ZFAND3: variants seen among roughly 807,000 people sequenced by gnomAD.
The protein encoded by ZFAND3 is zinc finger AN1-type containing 3.
In ZFAND3, 10 loss-of-function variants were observed where a neutral mutation model predicts 29.6. That is an observed-to-expected ratio of 0.34 (90% CI 0.21 to 0.57). The LOEUF (loss-of-function observed/expected upper bound fraction) is 0.57, where lower values mean the gene tolerates loss of function less well. ZFAND3 is among the 20% of genes least tolerant of loss of function. The pLI is 0.86. For missense variants in ZFAND3, 230 were observed against 304.5 expected (o/e 0.76, Z 1.82); for synonymous variants, 128 against 112.6 (o/e 1.14, Z -0.87).
Position 38,129,084 on chromosome 6 carries a change from A to G in ZFAND3, c.529+12345A>G, listed in dbSNP as rs545098700. Among the ~76,000 whole-genome samples the G allele has an allele frequency of 3.1e-3, 470 of 152,252 alleles. 3 individuals are homozygous for G. The highest frequency in any genetic ancestry group is 0.011 in the African/African-American group (447 of 41,546). On this transcript the variant is annotated intron_variant, in intron 5 of 5. Transcript: ENST00000287218. Reference sequence around the variant, plus strand: ...ATTTGCCCTTCCCTAATCATTAATGATGTTGAGCATTTTTTCATATGTTTG... The same window carrying G: ...ATTTGCCCTTCCCTAATCATTAATGGTGTTGAGCATTTTTTCATATGTTTG...
At chr6:37,873,695 G>A (rs566650927) in intron 1 of ZFAND3, among the ~76,000 whole-genome samples, 1 of 152,288 alleles carries the variant, frequency 6.6e-6, no homozygotes, top group South Asian at 2.1e-4. Context: ...ACAATATAAG[G>A]TGTGATGTTT....
At chr6:38,025,000 T>C (rs1328596120) in intron 2 of ZFAND3, among the ~76,000 whole-genome samples, 4 of 152,256 alleles carry the variant, frequency 2.6e-5, no homozygotes, top group Non-Finnish European at 4.4e-5. Context: ...GTATTGTTCA[T>C]TATTTCTCCT....
At chr6:38,131,734 T>C (rs984941087) in intron 5 of ZFAND3, among the ~76,000 whole-genome samples, 8 of 152,318 alleles carry the variant, frequency 5.3e-5, no homozygotes, top group Non-Finnish European at 1.5e-5. Context: ...CCACAGCCCC[T>C]ATTGGAGTAT....
chr6:37,998,829 A>G (rs958583459), intron 2 of ZFAND3, among the ~76,000 whole-genome samples: 1 of 152,218 alleles, frequency 6.6e-6, no homozygotes, highest in South Asian at 2.1e-4. Context: ...AGAGAAGGAT[A>G]TATCAGTAAT....
intron 2 of ZFAND3, among the ~76,000 whole-genome samples, chr6:37,936,448 A>G (rs1249664598): frequency 1.3e-5 from 2 of 152,194 alleles, no homozygotes; most frequent in African/African-American, 4.8e-5. Flanking sequence ...CATAAGGCAA[A>G]CTTAATATAT....
At chr6:38,123,413 C>T (rs1765571225) in intron 5 of ZFAND3, among the ~76,000 whole-genome samples, 1 of 152,160 alleles carries the variant, frequency 6.6e-6, no homozygotes, top group African/African-American at 2.4e-5. Flanking sequence ...GAACATTTGG[C>T]ATTCTGTCTT....
chr6:38,099,903 G>T (rs1765059987), intron 4 of ZFAND3, among the ~76,000 whole-genome samples: 1 of 152,186 alleles, frequency 6.6e-6, no homozygotes, highest in African/African-American at 2.4e-5. Flanking sequence ...AAAGAAAGCT[G>T]TATGCAGGGA....
intron 3 of ZFAND3, among the ~76,000 whole-genome samples, chr6:38,074,432 A>C (rs189048571): frequency 6.6e-6 from 1 of 152,378 alleles, no homozygotes; most frequent in East Asian, 1.9e-4. Context: ...ACATAAAAAA[A>C]GTTTCTTAGT....
At chr6:37,887,116 A>G (rs1308297352) in intron 1 of ZFAND3, among the ~76,000 whole-genome samples, 1 of 152,250 alleles carries the variant, frequency 6.6e-6, no homozygotes, top group Non-Finnish European at 1.5e-5. Context: ...GAATGTTTTA[A>G]TGAAGTAAGA....
chr6:37,980,263 T>C (rs554148413), intron 2 of ZFAND3, among the ~76,000 whole-genome samples: 1 of 152,192 alleles, frequency 6.6e-6, no homozygotes, highest in South Asian at 2.1e-4. Flanking sequence ...ATCCAGTCCC[T>C]GTTAACCTGC....
chr6:37,961,103 G>A (rs1762187100), intron 2 of ZFAND3, among the ~76,000 whole-genome samples: 1 of 152,090 alleles, frequency 6.6e-6, no homozygotes, highest in Admixed American at 6.6e-5. Context: ...GTGCTCTTAG[G>A]ATCTCTGATT....
intron 1 of ZFAND3, among the ~76,000 whole-genome samples, chr6:37,900,217 G>A (rs535815171): frequency 6.6e-6 from 1 of 152,048 alleles, no homozygotes; most frequent in Admixed American, 6.5e-5. Context: ...GTTTTTCTGC[G>A]TATGTGTGGG....
At chr6:37,922,784 A>T (rs1370561307) in intron 1 of ZFAND3, among the ~76,000 whole-genome samples, 1 of 152,224 alleles carries the variant, frequency 6.6e-6, no homozygotes, top group Admixed American at 6.5e-5. Context: ...AAGATAAAAA[A>T]GTGTACACCT....
chr6:37,989,206 C>G (rs1227334848), intron 2 of ZFAND3, among the ~76,000 whole-genome samples: 1 of 152,212 alleles, frequency 6.6e-6, no homozygotes, highest in African/African-American at 2.4e-5. Flanking sequence ...CCATGCCCAG[C>G]CTAGCTGAAC....
chr6:38,074,461 G>C (rs1276884804), intron 3 of ZFAND3, among the ~76,000 whole-genome samples: 7 of 152,220 alleles, frequency 4.6e-5, no homozygotes, highest in East Asian at 1.9e-4. Context: ...TAATTTTTAA[G>C]CTTTAAAAGT....
At chr6:38,137,446 A>G (rs1765863446) in intron 5 of ZFAND3, among the ~76,000 whole-genome samples, 1 of 152,170 alleles carries the variant, frequency 6.6e-6, no homozygotes, top group South Asian at 2.1e-4. Context: ...GCTAGAAGCA[A>G]TATGTTTCTA....
chr6:38,125,111 A>G (rs1196049488), intron 5 of ZFAND3, among the ~76,000 whole-genome samples: 1 of 152,200 alleles, frequency 6.6e-6, no homozygotes, highest in East Asian at 1.9e-4. Context: ...AAGGGTAACT[A>G]GAAATCTTGA....
At chr6:37,905,579 A>G (rs542315015) in intron 1 of ZFAND3, among the ~76,000 whole-genome samples, 14 of 152,248 alleles carry the variant, frequency 9.2e-5, no homozygotes, top group Admixed American at 7.8e-4. Context: ...CATATATTTC[A>G]CTGGAAAGCT....
intron 1 of ZFAND3, among the ~76,000 whole-genome samples, chr6:37,829,390 G>C (rs981197171): frequency 6.6e-6 from 1 of 152,136 alleles, no homozygotes; most frequent in African/African-American, 2.4e-5. Context: ...ACAGAAATTA[G>C]CTGGGCTTAA....
Sources: allele counts gnomAD v4.1 joint callset (sites outside exome capture counted in the v4.1 genomes callset), GRCh38; gene constraint gnomAD v4.1.1; transcripts MANE v1.5; gene names NCBI Gene and HGNC (gene_info 2026-07-23, HGNC 2026-07-21).